The following DLG2 variants were observed in gnomAD, a reference collection of about 807,000 sequenced individuals.
DLG2 encodes the protein discs large MAGUK scaffold protein 2, also known as disks large homolog 2.
A neutral mutation model predicts 132.5 loss-of-function variants in DLG2; 45 were observed. The observed-to-expected ratio is 0.34, with a 90% CI of 0.27 to 0.44. The LOEUF is 0.44. DLG2 is among the 20% of genes least tolerant of loss of function. The pLI is 1.00. For synonymous variants in DLG2, 424 were observed against 419.6 expected, an observed-to-expected ratio of 1.01 and a Z score of -0.13; for missense variants, 1,045 against 1,196.9, an observed-to-expected ratio of 0.87 and a Z score of 1.87.
intron 6 of DLG2, among the ~76,000 whole-genome samples, chr11:84,585,548 T>C (rs1369066116): frequency 6.6e-6 from 1 of 152,234 alleles, no homozygotes; most frequent in African/African-American, 2.4e-5. Flanking sequence ...CAAAAAGTCC[T>C]GTTAAGATTT....
intron 3 of DLG2, among the ~76,000 whole-genome samples, chr11:85,394,490 C>T (rs926105099): frequency 6.6e-6 from 1 of 152,226 alleles, no homozygotes; most frequent in Non-Finnish European, 1.5e-5. Flanking sequence ...GTGCCACCTG[C>T]AGCAGATGTC....
At position 84,902,848 on chromosome 11, in the gene DLG2, G is replaced by T. The variant is rs549171092; in HGVS notation, c.357+208813C>A. ...ATCTTTTCCGCTATCCAAGCTGAAT[G>T]TATGAGTCTCAGCTTCTCCCTCTCT... On this transcript the variant is annotated intron_variant, in intron 6 of 27. Coordinates refer to ENST00000376104, the MANE Select transcript of DLG2 (RefSeq NM_001142699.3). Among the ~76,000 whole-genome samples, 5 of 152,278 alleles carry T rather than the reference G, an allele frequency of 3.3e-5. No homozygotes were observed. In the South Asian group the frequency reaches 8.3e-4, roughly 25 times the overall value.
At chr11:84,184,827 A>G (rs1318517600) in intron 8 of DLG2, among the ~76,000 whole-genome samples, 1 of 152,110 alleles carries the variant, frequency 6.6e-6, no homozygotes, top group Non-Finnish European at 1.5e-5. Context: ...TTAAATAGGG[A>G]ATCCTTTCCC....
chr11:84,122,670 G>T (rs2093984786), intron 9 of DLG2, among the ~76,000 whole-genome samples: 1 of 152,172 alleles, frequency 6.6e-6, no homozygotes, highest in Non-Finnish European at 1.5e-5. Context: ...TTTATAAGCT[G>T]AATAAACTAA....
At chr11:84,477,742 T>C (rs1437558611) in intron 7 of DLG2, among the ~76,000 whole-genome samples, 1 of 152,180 alleles carries the variant, frequency 6.6e-6, no homozygotes, top group Non-Finnish European at 1.5e-5. Flanking sequence ...ATTTGTAATC[T>C]TGGGAGAATA....
chr11:85,436,900 C>A (rs566986859), intron 3 of DLG2, among the ~76,000 whole-genome samples: 5 of 152,260 alleles, frequency 3.3e-5, no homozygotes, highest in African/African-American at 1.2e-4. Flanking sequence ...GGAACCAACC[C>A]AAATGCCCAT....
At chr11:83,965,789 A>T (rs930060402) in intron 12 of DLG2, among the ~76,000 whole-genome samples, 1 of 151,986 alleles carries the variant, frequency 6.6e-6, no homozygotes, top group Non-Finnish European at 1.5e-5. Context: ...AACACATATT[A>T]GTGGAAGAAA....
chr11:84,288,325 A>G lies in DLG2; in HGVS notation c.520-37034T>C, dbSNP rs542998922. Among the ~76,000 whole-genome samples, 10 of 152,104 alleles carry G rather than the reference A, an allele frequency of 6.6e-5. No individual in the cohort carries two copies. The South Asian group carries it at 1.7e-3, about 25-fold the overall frequency. Reference sequence around the variant, plus strand: ...AAAGATTAATAAATAAATGTTAGCTATTGTCAACAGTATTATTATTTTATT... The same window carrying G: ...AAAGATTAATAAATAAATGTTAGCTGTTGTCAACAGTATTATTATTTTATT... On this transcript the variant is annotated intron_variant, in intron 7 of 27. Coordinates refer to ENST00000376104, the MANE Select transcript of DLG2 (RefSeq NM_001142699.3).
chr11:84,583,089 T>G (rs1305004606), intron 6 of DLG2, among the ~76,000 whole-genome samples: 1 of 152,242 alleles, frequency 6.6e-6, no homozygotes, highest in African/African-American at 2.4e-5. Flanking sequence ...TTGTCATTTT[T>G]ATGCTTCATT....
intron 3 of DLG2, among the ~76,000 whole-genome samples, chr11:85,474,308 A>T (rs958676841): frequency 6.6e-6 from 1 of 152,038 alleles, no homozygotes; most frequent in Non-Finnish European, 1.5e-5. Flanking sequence ...ATAAGCAAAA[A>T]ATTACAGACA....
chr11:85,267,370 A>C (rs942632217), intron 4 of DLG2, among the ~76,000 whole-genome samples: 8 of 152,186 alleles, frequency 5.3e-5, no homozygotes, highest in African/African-American at 1.9e-4. Flanking sequence ...AGTCTATGGC[A>C]TTCTGTTTTG....
chr11:83,520,968 C>T (rs944460546), intron 21 of DLG2, among the ~76,000 whole-genome samples: 2 of 152,138 alleles, frequency 1.3e-5, no homozygotes, highest in South Asian at 2.1e-4. Context: ...GATCATGTAT[C>T]GAGACTGCCA....
intron 6 of DLG2, among the ~76,000 whole-genome samples, chr11:84,818,823 G>A (rs573972239): frequency 6.6e-6 from 1 of 152,014 alleles, no homozygotes; most frequent in African/African-American, 2.4e-5. Context: ...GCAGACTAAT[G>A]AATCAAGCTA....
chr11:84,985,034 T>C (rs1412457198), intron 6 of DLG2, among the ~76,000 whole-genome samples: 3 of 151,986 alleles, frequency 2.0e-5, no homozygotes, highest in Non-Finnish European at 2.9e-5. Flanking sequence ...CACAACAATA[T>C]TGGAGGACTT....
intron 3 of DLG2, among the ~76,000 whole-genome samples, chr11:85,437,469 T>C (rs186872099): frequency 6.8e-4 from 104 of 152,302 alleles, no homozygotes; most frequent in African/African-American, 2.5e-3. Flanking sequence ...AAATCAGTTA[T>C]TCATTAAGCA....
At chr11:85,283,024 G>T (rs927712865) in intron 4 of DLG2, among the ~76,000 whole-genome samples, 4 of 152,040 alleles carry the variant, frequency 2.6e-5, no homozygotes, top group South Asian at 2.1e-4. Context: ...CTTATAAGTG[G>T]GAGCCAATGA....
chr11:84,404,313 A>T (rs1208653240), intron 7 of DLG2, among the ~76,000 whole-genome samples: 7 of 151,790 alleles, frequency 4.6e-5, no homozygotes, highest in Non-Finnish European at 7.4e-5. Context: ...CCTCCTTCCC[A>T]TCTCCACCTT....
intron 12 of DLG2, among the ~76,000 whole-genome samples, chr11:83,967,657 T>G (rs1455236640): frequency 1.3e-5 from 2 of 152,056 alleles, no homozygotes; most frequent in Non-Finnish European, 2.9e-5. Context: ...ATATATGGTT[T>G]GCAATTTTTT....
chr11:85,145,850 G>A (rs1341934083), intron 5 of DLG2, among the ~76,000 whole-genome samples: 2 of 151,900 alleles, frequency 1.3e-5, no homozygotes, highest in Non-Finnish European at 2.9e-5. Context: ...TATTTAGTTT[G>A]TTTAGTAGAT....
Sources: gnomAD v4.1 joint callset for allele counts (sites outside exome capture counted in the v4.1 genomes callset) on GRCh38, gnomAD v4.1.1 for gene constraint, MANE v1.5 for transcripts, NCBI Gene and HGNC (gene_info 2026-07-23, HGNC 2026-07-21) for gene names.